Variants in DIAPH2 observed in about 807,000 individuals in gnomAD.
DIAPH2 encodes protein diaphanous homolog 2.
Under a neutral mutation model 92.7 loss-of-function variants are expected in DIAPH2, and 35 were observed. That is an observed-to-expected ratio of 0.38 (90% confidence interval 0.29 to 0.50). The LOEUF (loss-of-function observed/expected upper bound fraction) is 0.50, where lower values mean the gene tolerates loss of function less well. Among genes scored for constraint, DIAPH2 ranks in the 20% least tolerant of loss-of-function variants. The pLI is 0.94. For synonymous variants in DIAPH2, 301 were observed against 280.4 expected (o/e 1.07, Z -0.73); for missense variants, 701 against 819.5 (o/e 0.86, Z 1.77).
At chrX:97,270,157 AG>A (rs1446171603) in intron 23 of DIAPH2, among the ~76,000 whole-genome samples, 5 of 110,220 alleles carry the variant, frequency 4.5e-5, no homozygotes, top group Admixed American at 9.7e-5. Context: ...TTGAACTCCC[AG>A]TCTCAGGTGA....
At chrX:96,693,588 G>C (rs1223058495) in intron 1 of DIAPH2, among the ~76,000 whole-genome samples, 1 of 112,134 alleles carries the variant, frequency 8.9e-6, no homozygotes, top group Non-Finnish European at 1.9e-5. Context: ...CCAAGGGTGT[G>C]AGACCACAGA....
intron 23 of DIAPH2, among the ~76,000 whole-genome samples, chrX:97,320,108 A>AAAAT (rs1556025449): frequency 1.9e-5 from 2 of 104,998 alleles, no homozygotes; most frequent in African/African-American, 6.9e-5. Context: ...TCAAAAAAAA[A>AAAAT]ATATATATAT....
intron 23 of DIAPH2, among the ~76,000 whole-genome samples, chrX:97,252,447 C>G (rs1602451626): frequency 1.8e-5 from 2 of 111,933 alleles, no homozygotes; most frequent in East Asian, 2.8e-4. Context: ...ACTGAGAAGG[C>G]ACATTATCCT....
chrX:96,977,029 G>A (rs773906392), intron 17 of DIAPH2, among the ~76,000 whole-genome samples: 20 of 111,169 alleles, frequency 1.8e-4, no homozygotes, highest in African/African-American at 5.5e-4. Context: ...GCCCAAGTTT[G>A]TTCTTAATCT....
At chrX:97,008,004 C>T (rs1401883560) in intron 17 of DIAPH2, among the ~76,000 whole-genome samples, 6 of 102,812 alleles carry the variant, frequency 5.8e-5, no homozygotes, top group Admixed American at 5.5e-4. Context: ...CCTCATGATC[C>T]GCCTGCCTTG....
intron 23 of DIAPH2, among the ~76,000 whole-genome samples, chrX:97,313,946 T>C (rs2068819139): frequency 1.8e-5 from 2 of 111,091 alleles, no homozygotes; most frequent in South Asian, 7.7e-4. Flanking sequence ...GGCCTGGCTT[T>C]ACTGTTTTGT....
At chrX:97,526,174 A>G (rs1258539488) in intron 26 of DIAPH2, among the ~76,000 whole-genome samples, 1 of 110,971 alleles carries the variant, frequency 9.0e-6, no homozygotes, top group Non-Finnish European at 1.9e-5. Context: ...GTTTCCTAAC[A>G]AAAATGACCT....
chrX:96,854,197 A>G (rs1280695817), intron 4 of DIAPH2, among the ~76,000 whole-genome samples: 1 of 110,892 alleles, frequency 9.0e-6, no homozygotes, highest in Admixed American at 9.7e-5. Context: ...GAAAATTTTA[A>G]TAACGTTGTA....
At chrX:96,955,639 C>T (rs2065805792) in intron 15 of DIAPH2, among the ~76,000 whole-genome samples, 2 of 112,019 alleles carry the variant, frequency 1.8e-5, no homozygotes, top group South Asian at 3.8e-4. Context: ...TGGGTAAATA[C>T]ACCCATTTCA....
At chrX:96,845,298 C>G (rs138374359) in intron 4 of DIAPH2, among the ~76,000 whole-genome samples, 4 of 112,050 alleles carry the variant, frequency 3.6e-5, no homozygotes, top group Non-Finnish European at 5.6e-5. Context: ...GTACTCAACT[C>G]TATGCAAATA....
chrX:96,884,798 A>G (rs184130356), intron 5 of DIAPH2: 10 of 1,209,119 alleles, frequency 8.3e-6, no homozygotes, highest in Admixed American at 2.2e-5. Flanking sequence ...GAAACGGTCA[A>G]TGCACACATG....
chrX:96,782,083 A>G (rs1056021826), intron 4 of DIAPH2, among the ~76,000 whole-genome samples: 2 of 111,574 alleles, frequency 1.8e-5, no homozygotes, highest in Non-Finnish European at 3.8e-5. Flanking sequence ...CTCACTGTTT[A>G]TTCTAAATAT....
chrX:97,008,804 C>G (rs1242787700), intron 17 of DIAPH2, among the ~76,000 whole-genome samples: 1 of 111,526 alleles, frequency 9.0e-6, no homozygotes, highest in Non-Finnish European at 1.9e-5. Context: ...GCTGAGCTAC[C>G]TGGAGCTGGG....
chrX:96,777,490 C>T (rs1418357943), intron 4 of DIAPH2, among the ~76,000 whole-genome samples: 3 of 110,541 alleles, frequency 2.7e-5, no homozygotes, highest in Non-Finnish European at 5.7e-5. Flanking sequence ...TCTTGTAAAC[C>T]TCTATTTTCA....
At chrX:97,596,039 C>T (rs1387845087) in intron 26 of DIAPH2, among the ~76,000 whole-genome samples, 1 of 112,229 alleles carries the variant, frequency 8.9e-6, no homozygotes, top group African/African-American at 3.2e-5. Context: ...GGGCACATTT[C>T]AAAGCCTTTG....
intron 4 of DIAPH2, among the ~76,000 whole-genome samples, chrX:96,854,597 TCATATATATATA>T (rs2065025789): frequency 1.6e-5 from 1 of 62,243 alleles, no homozygotes; most frequent in Non-Finnish European, 3.0e-5. Flanking sequence ...TCTCTCTCTC[TCATATATATATA>T]TATATATATA....
intron 3 of DIAPH2, among the ~76,000 whole-genome samples, chrX:96,756,073 C>T (rs915256184): frequency 9.0e-6 from 1 of 111,351 alleles, no homozygotes; most frequent in Non-Finnish European, 1.9e-5. Flanking sequence ...GCTATGTTGC[C>T]CAGGCTGGTC....
intron 26 of DIAPH2, among the ~76,000 whole-genome samples, chrX:97,524,200 T>G (rs953407518): frequency 7.1e-5 from 8 of 111,941 alleles, no homozygotes; most frequent in Non-Finnish European, 1.3e-4. Context: ...ACCCAAAGAC[T>G]CTCCAGTGCC....
chrX:96,801,979 A>T (rs1041394754), intron 4 of DIAPH2, among the ~76,000 whole-genome samples: 3 of 112,075 alleles, frequency 2.7e-5, no homozygotes, highest in African/African-American at 9.7e-5. Flanking sequence ...CATATAACCA[A>T]TACCCAGTTC....
Sources: allele counts gnomAD v4.1 joint callset (sites outside exome capture counted in the v4.1 genomes callset), GRCh38; gene constraint gnomAD v4.1.1; transcripts MANE v1.5; gene names NCBI Gene and HGNC (gene_info 2026-07-23, HGNC 2026-07-21).